SOS2: variants seen among roughly 807,000 people sequenced by gnomAD.
SOS2 encodes the protein SOS Ras/Rho guanine nucleotide exchange factor 2.
Under a neutral mutation model 148.2 loss-of-function variants are expected in SOS2, and 65 were observed. That is an observed-to-expected ratio of 0.44 (90% CI 0.36 to 0.54). The LOEUF (loss-of-function observed/expected upper bound fraction) is 0.54, where lower values mean the gene tolerates loss of function less well. Among genes scored for constraint, SOS2 ranks in the 20% least tolerant of loss-of-function variants. The pLI, the probability that SOS2 is intolerant of heterozygous loss-of-function variation, is 0.00. For missense variants in SOS2, 1,341 were observed against 1,590.2 expected, an observed-to-expected ratio of 0.84 and a Z score of 2.67; for synonymous variants, 539 against 537.1, an observed-to-expected ratio of 1.00 and a Z score of -0.05.
At chr14:50,188,384 G>C (rs1885995873) in intron 5 of SOS2, 113 bp downstream of exon 5, 1 of 712,792 alleles carries the variant, frequency 1.4e-6, no homozygotes, top group Non-Finnish European at 2.3e-6. Context: ...CTCCAGCCTG[G>C]GCAACAGAGC....
rs767108746 is a variant in SOS2 at position 50,130,487 on chromosome 14, C to T, written c.3337+14G>A. The T allele has an allele frequency of 6.2e-7, 1 of 1,609,494 alleles. No individual in the cohort carries two copies. The highest frequency in any genetic ancestry group is 8.5e-7 in the Non-Finnish European group (1 of 1,177,452). On this transcript the variant is annotated intron_variant, in intron 20 of 22. Coordinates refer to ENST00000216373, the MANE Select transcript of SOS2 (RefSeq NM_006939.4). ...GATTCCTTTTTTACCAAGCGGTTTACATCAAATACTTACCACAGGAGCTGT... is the reference window on the plus strand; with the variant it reads ...GATTCCTTTTTTACCAAGCGGTTTATATCAAATACTTACCACAGGAGCTGT...
chr14:50,156,507 T>C (rs1216514915), intron 12 of SOS2: 1 of 152,238 alleles, frequency 6.6e-6, no homozygotes, highest in East Asian at 1.9e-4. Flanking sequence ...TTTTTAGAAA[T>C]TATTGCAATT....
At chr14:50,224,332 CA>C (rs1887296959) in intron 1 of SOS2, among the ~76,000 whole-genome samples, 1 of 142,834 alleles carries the variant, frequency 7.0e-6, no homozygotes, top group African/African-American at 2.6e-5. Flanking sequence ...CACACACACA[CA>C]CACACACACA....
chr14:50,198,390 A>G (rs1886381832), intron 4 of SOS2, among the ~76,000 whole-genome samples: 1 of 152,244 alleles, frequency 6.6e-6, no homozygotes, highest in Non-Finnish European at 1.5e-5. Context: ...TTGTAAGTCA[A>G]AATAGAGATA....
At chr14:50,142,003 A>C (rs1303861545) in intron 16 of SOS2, among the ~76,000 whole-genome samples, 1 of 147,218 alleles carries the variant, frequency 6.8e-6, no homozygotes, top group Non-Finnish European at 1.5e-5. Context: ...TAAATACATT[A>C]ATATTTCTTT....
intron 5 of SOS2, among the ~76,000 whole-genome samples, chr14:50,187,509 G>A (rs928764171): frequency 2.6e-5 from 4 of 151,724 alleles, no homozygotes; most frequent in African/African-American, 7.3e-5. Flanking sequence ...CACTACGCCC[G>A]GCTAACTTTT....
intron 8 of SOS2, among the ~76,000 whole-genome samples, chr14:50,162,048 C>T (rs950390301): frequency 1.3e-5 from 2 of 151,816 alleles, no homozygotes; most frequent in African/African-American, 4.8e-5. Flanking sequence ...CAGTCCTGGC[C>T]CAACCTTCTT....
At chr14:50,188,302 G>A (rs1252534207) in intron 5 of SOS2, among the ~76,000 whole-genome samples, 195 bp downstream of exon 5, 1 of 152,110 alleles carries the variant, frequency 6.6e-6, no homozygotes, top group Non-Finnish European at 1.5e-5. Context: ...CTACTCAGGA[G>A]GCTGAGGCAG....
chr14:50,172,317 C>T (rs1380619438), intron 8 of SOS2, among the ~76,000 whole-genome samples: 1 of 149,812 alleles, frequency 6.7e-6, no homozygotes, highest in African/African-American at 2.5e-5. Context: ...TCTATTTGTT[C>T]TTGTTGTTGC....
intron 1 of SOS2, among the ~76,000 whole-genome samples, chr14:50,208,467 G>A (rs980112450): frequency 3.9e-5 from 6 of 151,966 alleles, no homozygotes; most frequent in African/African-American, 1.2e-4. Flanking sequence ...TGGCCAATAC[G>A]GTGAAACCCC....
At chr14:50,135,705 C>T (rs570062403) in intron 18 of SOS2, among the ~76,000 whole-genome samples, 27 of 116,628 alleles carry the variant, frequency 2.3e-4, no homozygotes, top group African/African-American at 7.9e-4. Context: ...GCTGGGATTA[C>T]AGGTATGAGC....
At chr14:50,164,834 T>G (rs1162322331) in intron 8 of SOS2, among the ~76,000 whole-genome samples, 4 of 152,170 alleles carry the variant, frequency 2.6e-5, no homozygotes, top group African/African-American at 9.7e-5. Flanking sequence ...CCTCTTAAAT[T>G]TTTTCTTTTG....
At chr14:50,205,366 T>C (rs1053824571) in intron 1 of SOS2, among the ~76,000 whole-genome samples, 3 of 152,150 alleles carry the variant, frequency 2.0e-5, no homozygotes, top group African/African-American at 7.2e-5. Flanking sequence ...TAACTTTTTA[T>C]GCCATGAAGT....
chr14:50,224,306 TATATATATACACACACAC>T (rs1887292336), intron 1 of SOS2, among the ~76,000 whole-genome samples: 1 of 47,800 alleles, frequency 2.1e-5, no homozygotes, highest in African/African-American at 9.0e-5. Flanking sequence ...AAAAAAAAAA[TATATATATACACACACAC>T]ACACACACAC....
chr14:50,220,172 G>A (rs181277359), intron 1 of SOS2, among the ~76,000 whole-genome samples: 8 of 150,884 alleles, frequency 5.3e-5, no homozygotes, highest in South Asian at 2.1e-4. Context: ...AGGCCGAAGC[G>A]GGCAGATCAC....
chr14:50,135,212 G>A (rs1884036814), intron 18 of SOS2, among the ~76,000 whole-genome samples: 1 of 151,532 alleles, frequency 6.6e-6, no homozygotes, highest in Non-Finnish European at 1.5e-5. Flanking sequence ...TGTAATCCTA[G>A]CAGTTTGGGA....
At chr14:50,173,293 C>A (rs140454948) in intron 8 of SOS2, among the ~76,000 whole-genome samples, 51 of 152,238 alleles carry the variant, frequency 3.4e-4, no homozygotes, top group African/African-American at 1.1e-3. Flanking sequence ...CATAATAATT[C>A]TATGTATACC....
chr14:50,149,821 A>G (rs545242066), intron 14 of SOS2, among the ~76,000 whole-genome samples, 187 bp downstream of exon 14: 1 of 152,330 alleles, frequency 6.6e-6, no homozygotes, highest in Non-Finnish European at 1.5e-5. Flanking sequence ...GCTAGTCCCC[A>G]GTCTAGACAT....
chr14:50,189,925 T>C (rs920565384), intron 4 of SOS2, among the ~76,000 whole-genome samples: 1 of 151,778 alleles, frequency 6.6e-6, no homozygotes, highest in Non-Finnish European at 1.5e-5. Context: ...CTCAGCTCAC[T>C]GCAACCTCCG....
Sources: gnomAD v4.1 joint callset for allele counts (sites outside exome capture counted in the v4.1 genomes callset) on GRCh38, gnomAD v4.1.1 for gene constraint, MANE v1.5 for transcripts, NCBI Gene and HGNC (gene_info 2026-07-23, HGNC 2026-07-21) for gene names.